Variants in DPY19L1 observed in about 807,000 individuals in gnomAD.
The protein encoded by DPY19L1 is protein C-mannosyl-transferase DPY19L1.
A neutral mutation model predicts 96.9 loss-of-function variants in DPY19L1; 35 were observed. That is an observed-to-expected ratio of 0.36 (90% CI 0.28 to 0.48). DPY19L1 has a LOEUF of 0.48. Ranked by LOEUF, DPY19L1 falls within the 20% of genes least tolerant of loss-of-function variation. The probability of loss-of-function intolerance (pLI) is 0.99; values close to 1 mark genes in which losing one functional copy is unlikely to be tolerated. For synonymous variants in DPY19L1, 205 were observed against 252.6 expected (o/e 0.81, Z 1.79); for missense variants, 521 against 777.9 (o/e 0.67, Z 3.93).
chr7:35,019,559 A>G (rs1233008767), intron 1 of DPY19L1, among the ~76,000 whole-genome samples: 2 of 152,146 alleles, frequency 1.3e-5, no homozygotes, highest in East Asian at 1.9e-4. Flanking sequence ...AGAAGGAAGA[A>G]GAGGAGGAGA....
intron 3 of DPY19L1, among the ~76,000 whole-genome samples, chr7:35,017,287 A>C (rs1179994937): frequency 6.6e-6 from 1 of 151,476 alleles, no homozygotes; most frequent in African/African-American, 2.4e-5. Flanking sequence ...AGGTCAGGAG[A>C]TCGAGACCAT....
rs368136429 is a variant in DPY19L1 at position 34,940,325 on chromosome 7, T to C, written c.1692A>G (p.Leu564=). ...GTACTTTGCAAAAGAGCCATCCAAA[T>C]AGCTGAAACCAAATTAAGAATACAT... is the stretch of plus-strand genomic sequence containing the variant. ...VMASLICSRQ[L]FGWLFCKVHP... The change falls in exon 19 of 22, where the codon CTA becomes CTG. Residue 564 remains leucine, a splice_region_variant and synonymous_variant. Coordinates refer to ENST00000638088, the MANE Select transcript of DPY19L1 (RefSeq NM_001366673.1). 2.2e-5 allele frequency: 35 copies of C among 1,604,870 alleles called. No homozygotes were observed. The South Asian group carries it at 3.6e-4, about 16-fold the overall frequency.
intron 1 of DPY19L1, among the ~76,000 whole-genome samples, chr7:35,029,840 C>CT (rs1202975190): frequency 6.6e-6 from 1 of 152,126 alleles, no homozygotes; most frequent in Non-Finnish European, 1.5e-5. Flanking sequence ...TGACAGATGC[C>CT]TTAGACTTTA....
intron 7 of DPY19L1, among the ~76,000 whole-genome samples, chr7:34,987,078 C>CA (rs1163120995): frequency 6.6e-6 from 1 of 151,956 alleles, no homozygotes; most frequent in Admixed American, 6.6e-5. Flanking sequence ...ATACAGTATT[C>CA]AGGTTTTTCT....
chr7:35,033,347 A>C (rs1231161885), intron 1 of DPY19L1, among the ~76,000 whole-genome samples: 1 of 151,724 alleles, frequency 6.6e-6, no homozygotes, highest in Non-Finnish European at 1.5e-5. Flanking sequence ...ATGTGCAATT[A>C]TTTTCATTTA....
At chr7:35,009,282 C>A (rs1195508049) in intron 6 of DPY19L1, among the ~76,000 whole-genome samples, 1 of 152,196 alleles carries the variant, frequency 6.6e-6, no homozygotes, top group Non-Finnish European at 1.5e-5. Flanking sequence ...CAAATTCAAA[C>A]TCATTATCCC....
chr7:34,979,119 T>C (rs556549894), intron 7 of DPY19L1, among the ~76,000 whole-genome samples: 1 of 152,178 alleles, frequency 6.6e-6, no homozygotes, highest in Non-Finnish European at 1.5e-5. Context: ...CAGTATATCC[T>C]ATCCAAATTT....
chr7:34,942,973 G>A (rs555273465), intron 16 of DPY19L1, among the ~76,000 whole-genome samples: 5 of 152,270 alleles, frequency 3.3e-5, no homozygotes, highest in South Asian at 2.1e-4. Context: ...TTTTCACTAG[G>A]CAACCAAGTA....
chr7:34,940,848 T>C (rs1368521703), intron 18 of DPY19L1: 3 of 154,532 alleles, frequency 1.9e-5, no homozygotes, highest in African/African-American at 7.2e-5. Context: ...TCATCAGTCA[T>C]GCTGTGGGAT....
At chr7:35,006,245 C>A (rs914594915) in intron 6 of DPY19L1, among the ~76,000 whole-genome samples, 3 of 152,082 alleles carry the variant, frequency 2.0e-5, no homozygotes, top group African/African-American at 7.3e-5. Context: ...AATACACTAT[C>A]CAATCTATTC....
intron 7 of DPY19L1, among the ~76,000 whole-genome samples, chr7:34,977,713 A>T (rs1478181325): frequency 2.0e-5 from 3 of 152,172 alleles, no homozygotes; most frequent in African/African-American, 7.2e-5. Flanking sequence ...TCTTTATCTC[A>T]TTTTAAATGT....
intron 6 of DPY19L1, chr7:35,000,602 G>C (rs1785401997): frequency 6.6e-6 from 1 of 152,154 alleles, no homozygotes; most frequent in African/African-American, 2.4e-5. Flanking sequence ...CCTGAAAAAT[G>C]GCAATATTAG....
intron 7 of DPY19L1, among the ~76,000 whole-genome samples, chr7:34,975,509 A>G (rs935665847): frequency 5.3e-5 from 8 of 152,240 alleles, no homozygotes; most frequent in African/African-American, 1.9e-4. Context: ...AGATAAAAGT[A>G]CAAGGTACAA....
At chr7:35,011,142 G>A (rs1010487230) in intron 5 of DPY19L1, among the ~76,000 whole-genome samples, 188 bp downstream of exon 5, 2 of 152,110 alleles carry the variant, frequency 1.3e-5, no homozygotes, top group African/African-American at 4.8e-5. Context: ...AGTAGCAGAG[G>A]TCCCTGAAAT....
intron 6 of DPY19L1, among the ~76,000 whole-genome samples, chr7:34,994,536 T>C (rs2128673538): frequency 6.6e-6 from 1 of 152,270 alleles, no homozygotes; most frequent in South Asian, 2.1e-4. Context: ...CGGGGCGCGG[T>C]GGCTCATGCC....
At chr7:34,964,306 ATAACTT>A (rs1244063637) in intron 10 of DPY19L1, among the ~76,000 whole-genome samples, 2 of 152,188 alleles carry the variant, frequency 1.3e-5, no homozygotes, top group Non-Finnish European at 2.9e-5. Flanking sequence ...TTTTATAACT[ATAACTT>A]TGAGTCAAGG....
intron 10 of DPY19L1, among the ~76,000 whole-genome samples, chr7:34,965,145 C>G (rs1287217039): frequency 1.3e-5 from 2 of 152,060 alleles, no homozygotes; most frequent in Non-Finnish European, 2.9e-5. Flanking sequence ...GGTAAATACC[C>G]TAGAGAAACT....
At chr7:35,018,433 G>A (rs1785911625) in intron 2 of DPY19L1, 139 bp downstream of exon 2, 1 of 737,578 alleles carries the variant, frequency 1.4e-6, no homozygotes, top group Non-Finnish European at 2.2e-6. Context: ...AATTAAACTA[G>A]TTTTTCAGAC....
chr7:34,959,914 T>TATATATTTATATATATATAA (rs1562806903), intron 10 of DPY19L1, among the ~76,000 whole-genome samples: 1 of 10,614 alleles, frequency 9.4e-5, no homozygotes, highest in African/African-American at 8.4e-4. Context: ...TATATATATA[T>TATATATTTATATATATATAA]ATATATATAT....
Sources: gnomAD v4.1 joint callset for allele counts (sites outside exome capture counted in the v4.1 genomes callset) on GRCh38, gnomAD v4.1.1 for gene constraint, MANE v1.5 for transcripts, NCBI Gene and HGNC (gene_info 2026-07-23, HGNC 2026-07-21) for gene names.